The following UNC13A variants were observed in gnomAD, a reference collection of about 807,000 sequenced individuals.
UNC13A encodes the protein protein unc-13 homolog A.
Under a neutral mutation model 219.7 loss-of-function variants are expected in UNC13A, and 61 were observed. That is an observed-to-expected ratio of 0.28 (90% CI 0.23 to 0.34). The LOEUF (loss-of-function observed/expected upper bound fraction) is 0.34, where lower values mean the gene tolerates loss of function less well. Among genes scored for constraint, UNC13A ranks in the 10% least tolerant of loss-of-function variants. The pLI, the probability that UNC13A is intolerant of heterozygous loss-of-function variation, is 1.00. For missense variants in UNC13A, 1,476 were observed against 2,270.3 expected, an observed-to-expected ratio of 0.65 and a Z score of 7.11; for synonymous variants, 920 against 884.6, an observed-to-expected ratio of 1.04 and a Z score of -0.71.
chr19:17,606,285 C>T lies in UNC13A; in HGVS notation c.4881G>A (p.Ala1627=), dbSNP rs761973722. The T allele has an allele frequency of 6.5e-7, 1 of 1,548,830 alleles. No individual in the cohort carries two copies. The highest frequency in any genetic ancestry group is 8.7e-7 in the Non-Finnish European group (1 of 1,146,914). The part of the protein sequence containing the change: ...LQVCVKDYCF[A]REDRTVGLAV... Reference sequence around the variant, plus strand: ...CCAGCCCCACCGTGCGGTCCTCGCGCGCGAAGCAGTAGTCCTTGACGCACA... The same window carrying T: ...CCAGCCCCACCGTGCGGTCCTCGCGTGCGAAGCAGTAGTCCTTGACGCACA... The change falls in exon 44 of 44, where the codon GCG becomes GCA. Residue 1627 remains alanine (A), a synonymous_variant. Transcript: ENST00000519716.
chr19:17,629,389 T>A lies in UNC13A; in HGVS notation c.3670-66A>T, dbSNP rs1048611022. 2.8e-6 allele frequency: 4 copies of A among 1,425,272 alleles called. No individual in the cohort carries two copies. In the African/African-American group the frequency reaches 4.2e-5, roughly 15 times the overall value. 88.3% of individuals were successfully genotyped at this position (1,425,272 alleles called of 1,614,324 possible). A position where few individuals can be genotyped will look rare whatever the true frequency, so the allele number is the denominator to read the frequency against. On this transcript the variant is annotated intron_variant, in intron 30 of 43. Transcript: ENST00000519716. ...ACCAAGGCAGGCGCCAGTCGTCCCATCAAGGCCACTAGTGAGATCAGTGAT... is the reference window on the plus strand; with the variant it reads ...ACCAAGGCAGGCGCCAGTCGTCCCAACAAGGCCACTAGTGAGATCAGTGAT...
chr19:17,641,486 T>C lies in UNC13A; in HGVS notation c.2543A>G (p.Asp848Gly). The change falls in exon 21 of 44, where the codon GAT becomes GGT. Residue 848 changes from aspartate (D) to glycine (G), a missense_variant. Coordinates refer to ENST00000519716, the MANE Select transcript of UNC13A (RefSeq NM_001080421.3). ...VVKIPDAKGD[D>G]AWKVYYDETA... ...CTCATCGTAGTAAACCTTCCAGGCA[T>C]CGTCACCCTTGGCATCTGGGATCTT... The C allele has an allele frequency of 1.9e-6, 3 of 1,614,136 alleles. No homozygotes were observed. In the South Asian group the frequency reaches 3.3e-5, roughly 18 times the overall value.
chr19:17,633,797 C>T (rs1040670497), intron 26 of UNC13A, among the ~76,000 whole-genome samples: 1 of 151,950 alleles, frequency 6.6e-6, no homozygotes, highest in Non-Finnish European at 1.5e-5. Flanking sequence ...ATCCACTCAA[C>T]CACCCATCTA....
intron 40 of UNC13A, 48 bp downstream of exon 40, chr19:17,618,373 C>CACCCTCTACATCCCCCACCTGGG (rs1568503593): frequency 1.3e-6 from 2 of 1,542,120 alleles, no homozygotes; most frequent in East Asian, 4.9e-5. Context: ...ACAGCAGCCA[C>CACCCTCTACATCCCCCACCTGGG]ACCCTCTACA....
intron 1 of UNC13A, among the ~76,000 whole-genome samples, chr19:17,677,143 A>G (rs1240097148): frequency 6.6e-6 from 1 of 152,094 alleles, no homozygotes; most frequent in Non-Finnish European, 1.5e-5. Flanking sequence ...ACTGAGGTCC[A>G]GTCTTCTCAC....
At chr19:17,626,478 T>C in intron 34 of UNC13A, 155 bp downstream of exon 34, 1 of 747,768 alleles carries the variant, frequency 1.3e-6, no homozygotes, top group Non-Finnish European at 2.0e-6. Context: ...CACCCAACTT[T>C]CCATCCCCTT....
rs10535025 is a variant in UNC13A at position 17,666,881 on chromosome 19, CGAGAGAGA to C, written c.469-185_469-178del. Among the ~76,000 whole-genome samples, 39 of 115,178 alleles carry C rather than the reference CGAGAGAGA, an allele frequency of 3.4e-4. No individual in the cohort carries two copies. In the East Asian group the frequency reaches 3.4e-3, roughly 10 times the overall value. 75.6% of individuals were successfully genotyped at this position (115,178 alleles called of 152,430 possible). A position where few individuals can be genotyped will look rare whatever the true frequency, so the allele number is the denominator to read the frequency against. ...AAGGAGAGAAAGACACACACACACA[CGAGAGAGA>C]GAGAGAGAGAGAGAGAGAGAGAAAG... On this transcript the variant is annotated intron_variant, in intron 6 of 43. Coordinates refer to ENST00000519716, the MANE Select transcript of UNC13A (RefSeq NM_001080421.3).
intron 41 of UNC13A, 128 bp downstream of exon 41, chr19:17,617,574 G>T: frequency 7.4e-7 from 1 of 1,359,278 alleles, no homozygotes; most frequent in Non-Finnish European, 1.0e-6. Flanking sequence ...CCCTGGACTT[G>T]GTGCAGAGAT....
intron 7 of UNC13A, among the ~76,000 whole-genome samples, chr19:17,665,806 C>T (rs2079629295): frequency 6.6e-6 from 1 of 152,186 alleles, no homozygotes; most frequent in South Asian, 2.1e-4. Flanking sequence ...CATCCAGGAT[C>T]TGATGAATGG....
At chr19:17,656,678 C>T (rs978836222) in intron 9 of UNC13A, among the ~76,000 whole-genome samples, 4 of 152,022 alleles carry the variant, frequency 2.6e-5, no homozygotes, top group Non-Finnish European at 5.9e-5. Flanking sequence ...ATGGTGAAAC[C>T]CTGTCTCTAC....
At position 17,665,905 on chromosome 19, in the gene UNC13A, C is replaced by T. The variant is rs140246111; in HGVS notation, c.523+745G>A. 1.1e-4 allele frequency among the ~76,000 whole-genome samples: 17 copies of T among 152,200 alleles called. No individual in the cohort carries two copies. The East Asian group carries it at 3.3e-3, about 29-fold the overall frequency. On this transcript the variant is annotated intron_variant, in intron 7 of 43. Transcript: ENST00000519716. ...CAGAGTGAGGGGGCTGTCAGATGCG[C>T]TATTTCAAAGAGAGGGCCCCTAAAT...
intron 37 of UNC13A, 75 bp from the exon 38 acceptor site, chr19:17,620,797 C>T: frequency 6.5e-7 from 1 of 1,544,528 alleles, no homozygotes; most frequent in Non-Finnish European, 8.9e-7. Flanking sequence ...TCCCTGCCCC[C>T]TCAAAGCACA....
chr19:17,686,973 C>T (rs1013048475), intron 1 of UNC13A, among the ~76,000 whole-genome samples: 1 of 152,154 alleles, frequency 6.6e-6, no homozygotes, highest in African/African-American at 2.4e-5. Flanking sequence ...AGACACACCC[C>T]TTCCCCCACC....
At chr19:17,623,701 C>T (rs2076753872) in intron 35 of UNC13A, among the ~76,000 whole-genome samples, 154 bp from the exon 36 acceptor site, 3 of 151,924 alleles carry the variant, frequency 2.0e-5, no homozygotes, top group South Asian at 2.1e-4. Context: ...ATGGGAAGTC[C>T]GAGCCTCCCC....
chr19:17,647,358 C>A lies in UNC13A; in HGVS notation c.1951G>T (p.Val651Leu). Residue 651 changes from valine to leucine, a missense_variant, in exon 17 of 44, where the codon GTG (valine) becomes TTG (leucine). Around this residue, in one of 14 missense-constraint regions of UNC13A, gnomAD observed 34 missense variants for 38.7 expected, o/e 0.88. Coordinates refer to ENST00000519716, the MANE Select transcript of UNC13A (RefSeq NM_001080421.3). The part of the protein sequence containing the change: ...IFELIQEIFA[V>L]TKTAHTQQMK... ...TGCTGCGTGTGCGCCGTCTTGGTCA[C>A]CGCGAAGATCTCCTGGATGAGCTCG... 8 of 1,613,500 alleles carry A rather than the reference C, an allele frequency of 5.0e-6. No individual in the cohort carries two copies. The highest frequency in any genetic ancestry group is 6.8e-6 in the Non-Finnish European group (8 of 1,179,764).
At chr19:17,606,435 C>T (rs966119634) in intron 43 of UNC13A, 81 bp from the exon 44 acceptor site, 2 of 1,492,160 alleles carry the variant, frequency 1.3e-6, no homozygotes, top group Admixed American at 4.2e-5. Flanking sequence ...ACCGCATTTG[C>T]GGGCCACGCC....
Position 17,629,326 on chromosome 19 carries a change from G to A in UNC13A, c.3670-3C>T. The stretch of plus-strand genomic sequence containing the variant: ...TGGAGGAGCACATTACTGATGGTCT[G>A]GGGAAGACACAGAGTGTGGGTGAGA... On this transcript the variant is annotated splice_region_variant and splice_polypyrimidine_tract_variant and intron_variant, in intron 30 of 43. Coordinates refer to ENST00000519716, the MANE Select transcript of UNC13A (RefSeq NM_001080421.3). The A allele has an allele frequency of 6.2e-7, 1 of 1,608,698 alleles. No individual in the cohort carries two copies. The highest frequency in any genetic ancestry group is 8.5e-7 in the Non-Finnish European group (1 of 1,177,598).
intron 17 of UNC13A, among the ~76,000 whole-genome samples, chr19:17,646,403 G>A (rs546728475): frequency 2.6e-5 from 4 of 152,106 alleles, no homozygotes. Context: ...ACCCGCACGT[G>A]CCACCCCATC....
intron 30 of UNC13A, 49 bp downstream of exon 30, chr19:17,630,096 C>G (rs1299303602): frequency 1.3e-6 from 2 of 1,541,390 alleles, no homozygotes; most frequent in African/African-American, 2.7e-5. Flanking sequence ...CTTCAATTCC[C>G]TAACCCTGAC....
Sources: gnomAD v4.1 joint callset for allele counts (sites outside exome capture counted in the v4.1 genomes callset) on GRCh38, gnomAD v4.1.1 for gene constraint, gnomAD v4.1.1 regional missense constraint, MANE v1.5 for transcripts, NCBI Gene and HGNC (gene_info 2026-07-23, HGNC 2026-07-21) for gene names.